Variants in CACNA2D4 observed in about 807,000 individuals in gnomAD.
CACNA2D4 encodes calcium voltage-gated channel auxiliary subunit alpha2delta 4.
Under a neutral mutation model 163.8 loss-of-function variants are expected in CACNA2D4, and 157 were observed. The observed-to-expected ratio is 0.96, with a 90% CI of 0.84 to 1.09. The LOEUF (loss-of-function observed/expected upper bound fraction) is 1.09, where lower values mean the gene tolerates loss of function less well. Ranked by LOEUF, CACNA2D4 falls within the 50% of genes least tolerant of loss-of-function variation. The pLI is 0.00. For missense variants in CACNA2D4, 1,410 were observed against 1,479.9 expected (o/e 0.95, Z 0.78); for synonymous variants, 598 against 586.9 (o/e 1.02, Z -0.27).
At chr12:1,896,643 ACAC>A (rs1565734723) in intron 6 of CACNA2D4, among the ~76,000 whole-genome samples, 7 of 148,328 alleles carry the variant, frequency 4.7e-5, no homozygotes, top group South Asian at 4.2e-4. Context: ...ACACACACAC[ACAC>A]ACACACACAA....
chr12:1,916,562 C>T (rs1019593157), intron 1 of CACNA2D4, among the ~76,000 whole-genome samples: 5 of 65,614 alleles, frequency 7.6e-5, no homozygotes, highest in African/African-American at 3.9e-4. Context: ...CCCCCCACCT[C>T]CGGGGCAGGC....
intron 24 of CACNA2D4, among the ~76,000 whole-genome samples, chr12:1,845,431 CTTAAT>C (rs1865123823): frequency 6.6e-6 from 1 of 152,086 alleles, no homozygotes; most frequent in Non-Finnish European, 1.5e-5. Context: ...GGAAGAGCAA[CTTAAT>C]TTGTTTTCCT....
rs1371450592 is a variant in CACNA2D4, at chr12:1,883,579, C to T, written c.1352-579G>A. Among the ~76,000 whole-genome samples the T allele has an allele frequency of 2.0e-5, 3 of 152,168 alleles. No homozygotes were observed. Among genetic ancestry groups the T allele is most frequent in the East Asian group, 1.9e-4 (1 of 5,190 alleles). On this transcript the variant is annotated intron_variant, in intron 12 of 37. Transcript: ENST00000382722. The surrounding 1 kb of genome is among the most constrained non-coding windows in gnomAD (Gnocchi z 4.5). ...CACCTCCCACCGTGTTCATCCCCCTCGCCAGTGAGATGCAGCACCTCTCTG... is the reference window on the plus strand; with the variant it reads ...CACCTCCCACCGTGTTCATCCCCCTTGCCAGTGAGATGCAGCACCTCTCTG...
chr12:1,871,937 C>T (rs1565721721), intron 18 of CACNA2D4, among the ~76,000 whole-genome samples: 1 of 152,180 alleles, frequency 6.6e-6, no homozygotes, highest in Non-Finnish European at 1.5e-5. Flanking sequence ...GGTTAGACTC[C>T]AGGACACTTT....
intron 27 of CACNA2D4, 43 bp downstream of exon 27, chr12:1,811,619 G>T (rs769178363): frequency 2.6e-6 from 4 of 1,545,774 alleles, no homozygotes; most frequent in South Asian, 1.2e-5. Context: ...CCAGGGGAGC[G>T]TGGTGAGTCC....
At chr12:1,882,737 G>T in intron 13 of CACNA2D4, 130 bp downstream of exon 13, 1 of 915,164 alleles carries the variant, frequency 1.1e-6, no homozygotes, top group Non-Finnish European at 1.6e-6. Flanking sequence ...GGCTTCATTC[G>T]CCCCTTCTTA....
At chr12:1,840,842 G>A (rs753019078) in intron 25 of CACNA2D4, 23 bp from the exon 26 acceptor site, 1 of 1,485,476 alleles carries the variant, frequency 6.7e-7, no homozygotes, top group Non-Finnish European at 8.9e-7. Context: ...AGACAACCCA[G>A]TCATGGGGAA....
Position 1,828,616 on chromosome 12 carries a change from C to G in CACNA2D4, c.2551+12123G>C, listed in dbSNP as rs1420367061. 6.6e-6 allele frequency among the ~76,000 whole-genome samples: 1 copy of G among 152,234 alleles called. No individual in the cohort carries two copies. The highest frequency in any genetic ancestry group is 1.5e-5 in the Non-Finnish European group (1 of 68,046). On this transcript the variant is annotated intron_variant, in intron 26 of 37. Transcript: ENST00000382722. The surrounding 1 kb of genome is among the most constrained non-coding windows in gnomAD (Gnocchi z 4.2). Reference sequence around the variant, plus strand: ...CAGACTGCGGCGAGCCCTTTTGCTCCCGTGGGGAACTGCCCCCTTGGCTGG... The same window carrying G: ...CAGACTGCGGCGAGCCCTTTTGCTCGCGTGGGGAACTGCCCCCTTGGCTGG...
At chr12:1,809,270 G>A in intron 29 of CACNA2D4, 2 of 520,826 alleles carry the variant, frequency 3.8e-6, no homozygotes, top group South Asian at 2.6e-5. Flanking sequence ...AGGTGGCCTT[G>A]GCCACGACCT....
Position 1,828,081 on chromosome 12 carries a change from A to G in CACNA2D4, c.2551+12658T>C. The G allele has an allele frequency of 7.0e-7, 1 of 1,418,692 alleles. No individual in the cohort carries two copies. Among genetic ancestry groups the G allele is most frequent in the Non-Finnish European group, 9.3e-7 (1 of 1,070,864 alleles). The allele number at this position is 1,418,692 out of a possible 1,614,324, so 87.9% of individuals were successfully genotyped here. ...AGTGCTCCTCCCTCCCTCAGGACTG[A>G]CAGGCGGCGCACCCAGGGGCTCCTC... On this transcript the variant is annotated intron_variant, in intron 26 of 37. Transcript: ENST00000382722. The surrounding 1 kb of genome is among the most constrained non-coding windows in gnomAD (Gnocchi z 4.2).
At chr12:1,794,453 C>T (rs1383031186) in intron 37 of CACNA2D4, among the ~76,000 whole-genome samples, 1 of 152,214 alleles carries the variant, frequency 6.6e-6, no homozygotes, top group Non-Finnish European at 1.5e-5. Context: ...CATTAGAGCT[C>T]GCAAGTTACA....
chr12:1,883,001 C>T lies in CACNA2D4; in HGVS notation c.1352-1G>A, dbSNP rs1257217061. The T allele has an allele frequency of 4.3e-6, 7 of 1,612,304 alleles. No homozygotes were observed. Among genetic ancestry groups the T allele is most frequent in the African/African-American group, 2.7e-5 (2 of 75,020 alleles). On this transcript the variant is annotated splice_acceptor_variant, in intron 12 of 37. Coordinates refer to ENST00000382722, the MANE Select transcript of CACNA2D4 (RefSeq NM_172364.5). LOFTEE classifies it high-confidence loss of function. This position sits in a 1 kb window ranked among gnomAD's most constrained non-coding sequence, Gnocchi z 4.5. The stretch of plus-strand genomic sequence containing the variant: ...AGCGTTGAGATCTGCGTGTAGTAGC[C>T]TGCGGTGGGGAAGGCCGCGTGGGTG...
At chr12:1,860,337 C>A in intron 18 of CACNA2D4, 131 bp from the exon 19 acceptor site, 1 of 687,660 alleles carries the variant, frequency 1.5e-6, no homozygotes. Flanking sequence ...CCTCCCTGAC[C>A]AGCCCCTACA....
chr12:1,860,079 T>A, intron 19 of CACNA2D4, 66 bp downstream of exon 19: 3 of 1,354,292 alleles, frequency 2.2e-6, no homozygotes, highest in Non-Finnish European at 3.2e-6. Context: ...AATTGCCAAC[T>A]AAATATGAGT....
At position 1,914,943 on chromosome 12, in the gene CACNA2D4, G is replaced by A. The variant is rs913547341; in HGVS notation, c.228-8C>T. On this transcript the variant is annotated splice_region_variant and splice_polypyrimidine_tract_variant and intron_variant, in intron 1 of 37. Coordinates refer to ENST00000382722, the MANE Select transcript of CACNA2D4 (RefSeq NM_172364.5). Reference sequence around the variant, plus strand: ...TCAGCCCATAGCTTCACTCTGCCAGGCAATGAAAGGACACGCGTATACACA... The same window carrying A: ...TCAGCCCATAGCTTCACTCTGCCAGACAATGAAAGGACACGCGTATACACA... The A allele has an allele frequency of 5.0e-6, 8 of 1,605,708 alleles. No homozygotes were observed. The highest frequency in any genetic ancestry group is 6.8e-6 in the Non-Finnish European group (8 of 1,172,316).
chr12:1,821,078 C>T (rs1300361773), intron 26 of CACNA2D4, among the ~76,000 whole-genome samples: 2 of 152,178 alleles, frequency 1.3e-5, no homozygotes, highest in African/African-American at 2.4e-5. Context: ...AGGAGGGCAG[C>T]GCTGGCGCCA....
Position 1,856,061 on chromosome 12 carries a change from C to G in CACNA2D4, c.2103G>C (p.Gln701His), listed in dbSNP as rs1233432453. 6.2e-7 allele frequency: 1 copy of G among 1,614,050 alleles called. No homozygotes were observed. The highest frequency in any genetic ancestry group is 1.7e-5 in the Admixed American group (1 of 60,028). The change falls in exon 22 of 38, where the codon CAG (glutamine) becomes CAC (histidine). Residue 701 changes from glutamine to histidine, a missense_variant. Gln to His is a conservative substitution (Grantham distance 24, BLOSUM62 0). Coordinates refer to ENST00000382722, the MANE Select transcript of CACNA2D4 (RefSeq NM_172364.5). The stretch of plus-strand genomic sequence containing the variant: ...TGAGGAAGCGGATCATGGCCTCTAG[C>G]TGGCTGAGCTTCCGGTGGTCTGGGT... ...DIDPDHRKLS[Q>H]LEAMIRFLTR...
chr12:1,844,605 G>A lies in CACNA2D4; in HGVS notation c.2343-76C>T. ...TCACTCTTTCCTTTTCTCACACAAG[G>A]TCAACTTGGCTGGGCTAAGAGAGTG... On this transcript the variant is annotated intron_variant, in intron 24 of 37. Coordinates refer to ENST00000382722, the MANE Select transcript of CACNA2D4 (RefSeq NM_172364.5). This position sits in a 1 kb window ranked among gnomAD's most constrained non-coding sequence, Gnocchi z 4.2. 6.6e-7 allele frequency: 1 copy of A among 1,513,228 alleles called. No homozygotes were observed. 93.7% of individuals were successfully genotyped at this position (1,513,228 alleles called of 1,614,324 possible). A position where few individuals can be genotyped will look rare whatever the true frequency, so the allele number is the denominator to read the frequency against.
rs1169686373 is a variant in CACNA2D4, at chr12:1,896,643, AC to A, written c.782-9575del. 1.9e-3 allele frequency among the ~76,000 whole-genome samples: 276 copies of A among 148,322 alleles called. 7 individuals carry two copies. In the South Asian group the frequency reaches 0.026, roughly 14 times the overall value. ...CACACACACACACACACACACACACACACACACACACAAAACAGATGCTAGC... is the reference window on the plus strand; with the variant it reads ...CACACACACACACACACACACACACAACACACACACAAAACAGATGCTAGC... On this transcript the variant is annotated intron_variant, in intron 6 of 37. Transcript: ENST00000382722.
Sources: gnomAD v4.1 joint callset for allele counts (sites outside exome capture counted in the v4.1 genomes callset) on GRCh38, gnomAD v4.1.1 for gene constraint, Gnocchi (gnomAD v3.1) non-coding constraint, MANE v1.5 for transcripts, NCBI Gene and HGNC (gene_info 2026-07-23, HGNC 2026-07-21) for gene names.